Variants in BAZ1A observed in about 807,000 individuals in gnomAD.
The protein encoded by BAZ1A is bromodomain adjacent to zinc finger domain protein 1A.
A neutral mutation model predicts 185.2 loss-of-function variants in BAZ1A; 50 were observed. The observed-to-expected ratio is 0.27, with a 90% CI of 0.22 to 0.34. BAZ1A has a LOEUF of 0.34. BAZ1A is among the 10% of genes least tolerant of loss of function. BAZ1A has a pLI of 1.00. For missense variants in BAZ1A, 1,356 were observed against 1,839.9 expected, an observed-to-expected ratio of 0.74 and a Z score of 4.81; for synonymous variants, 571 against 615.6, an observed-to-expected ratio of 0.93 and a Z score of 1.07.
chr14:34,838,457 T>G (rs2042361950), intron 3 of BAZ1A, among the ~76,000 whole-genome samples: 1 of 152,100 alleles, frequency 6.6e-6, no homozygotes, highest in Non-Finnish European at 1.5e-5. Flanking sequence ...ACTATATCAA[T>G]GTCAGTATTC....
At chr14:34,831,633 A>G (rs188493050) in intron 3 of BAZ1A, among the ~76,000 whole-genome samples, 2 of 152,266 alleles carry the variant, frequency 1.3e-5, no homozygotes, top group African/African-American at 4.8e-5. Context: ...AGAAAACATA[A>G]CTGGTTCCAA....
chr14:34,872,454 G>A (rs1173280295), intron 2 of BAZ1A, among the ~76,000 whole-genome samples: 1 of 151,990 alleles, frequency 6.6e-6, no homozygotes, highest in African/African-American at 2.4e-5. Context: ...ATTAGCCAGA[G>A]TGGTGGCATG....
chr14:34,862,261 T>C lies in BAZ1A; in HGVS notation c.175A>G (p.Arg59Gly). 6.2e-7 allele frequency: 1 copy of C among 1,614,174 alleles called. No homozygotes were observed. The highest frequency in any genetic ancestry group is 8.5e-7 in the Non-Finnish European group (1 of 1,180,040). The change falls in exon 3 of 27, where the codon AGA becomes GGA. Residue 59 changes from arginine to glycine, a missense_variant. Physicochemically the swap from Arg to Gly is moderately radical, Grantham distance 125. Coordinates refer to ENST00000360310, the MANE Select transcript of BAZ1A (RefSeq NM_013448.3). ...SLVWSCAVTG[R>G]PGLTYQEALE... Reference sequence around the variant, plus strand: ...GCTTCCTGATACGTCAGTCCAGGTCTACCCGTCACAGCACAACTCCACACA... The same window carrying C: ...GCTTCCTGATACGTCAGTCCAGGTCCACCCGTCACAGCACAACTCCACACA...
chr14:34,869,221 A>T (rs1487479880), intron 2 of BAZ1A, among the ~76,000 whole-genome samples: 2 of 152,038 alleles, frequency 1.3e-5, no homozygotes, highest in African/African-American at 4.8e-5. Context: ...TAAATAAATA[A>T]ATAAATAACA....
chr14:34,839,546 A>G (rs1305606252), intron 3 of BAZ1A, among the ~76,000 whole-genome samples: 1 of 149,942 alleles, frequency 6.7e-6, no homozygotes, highest in African/African-American at 2.5e-5. Flanking sequence ...TTTCAAAAAA[A>G]AAAAAAAAAA....
intron 2 of BAZ1A, among the ~76,000 whole-genome samples, chr14:34,873,429 T>C (rs1439388981): frequency 6.6e-6 from 1 of 152,176 alleles, no homozygotes; most frequent in African/African-American, 2.4e-5. Context: ...ACACACCCCC[T>C]TGCTCCGTGT....
chr14:34,818,288 CAA>C (rs1476965164), intron 4 of BAZ1A, among the ~76,000 whole-genome samples: 1 of 151,944 alleles, frequency 6.6e-6, no homozygotes, highest in African/African-American at 2.4e-5. Flanking sequence ...ATAGAAAATT[CAA>C]AAAGACAAAG....
chr14:34,759,066 T>C (rs949165840), intron 24 of BAZ1A, among the ~76,000 whole-genome samples: 2 of 151,970 alleles, frequency 1.3e-5, no homozygotes, highest in Non-Finnish European at 2.9e-5. Context: ...CATTAAACAT[T>C]CATTGGGAAC....
At chr14:34,822,311 C>CA (rs2042101210) in intron 4 of BAZ1A, among the ~76,000 whole-genome samples, 1 of 149,156 alleles carries the variant, frequency 6.7e-6, no homozygotes, top group Non-Finnish European at 1.5e-5. Context: ...CAAAACAAAA[C>CA]AAAAAAATCC....
rs11378657 is a variant in BAZ1A at position 34,837,407 on chromosome 14, A to ATT, written c.393-11253_393-11252dup. ...CAGGCGAATACCACCACCCCAGCTA[A>ATT]TTTTTTTTTTTTGTAGAGATGCGTT... is the stretch of plus-strand genomic sequence containing the variant. On this transcript the variant is annotated intron_variant, in intron 3 of 26. Coordinates refer to ENST00000360310, the MANE Select transcript of BAZ1A (RefSeq NM_013448.3). Among the ~76,000 whole-genome samples the ATT allele has an allele frequency of 3.6e-3, 520 of 145,928 alleles. 5 individuals carry two copies. The highest frequency in any genetic ancestry group is 1.0e-2 in the African/African-American group (393 of 39,366).
chr14:34,857,076 G>A (rs1326840423), intron 3 of BAZ1A, among the ~76,000 whole-genome samples: 4 of 144,584 alleles, frequency 2.8e-5, no homozygotes, highest in Non-Finnish European at 6.0e-5. Context: ...GCGCAATCTC[G>A]GCTCACTGCA....
intron 3 of BAZ1A, among the ~76,000 whole-genome samples, chr14:34,844,785 A>ACACGCG (rs966580053): frequency 4.0e-5 from 2 of 50,102 alleles, no homozygotes; most frequent in African/African-American, 1.2e-4. Context: ...GCGCACACAC[A>ACACGCG]CACACACACA....
chr14:34,756,758 C>T (rs146384967), intron 25 of BAZ1A, among the ~76,000 whole-genome samples: 1 of 152,146 alleles, frequency 6.6e-6, no homozygotes, highest in East Asian at 1.9e-4. Flanking sequence ...AGCCACTACG[C>T]CTGGCCCAGA....
At chr14:34,822,500 C>T (rs1418540328) in intron 4 of BAZ1A, among the ~76,000 whole-genome samples, 1 of 151,996 alleles carries the variant, frequency 6.6e-6, no homozygotes, top group Non-Finnish European at 1.5e-5. Context: ...GTGGTGTGCA[C>T]CTGTAGTCCC....
intron 3 of BAZ1A, among the ~76,000 whole-genome samples, chr14:34,851,587 T>C (rs1382476516): frequency 1.3e-5 from 2 of 151,862 alleles, no homozygotes; most frequent in Non-Finnish European, 2.9e-5. Flanking sequence ...GGGTGAATCA[T>C]CCAAGTATTT....
intron 4 of BAZ1A, 140 bp from the exon 5 acceptor site, chr14:34,811,176 C>T (rs1181189584): frequency 3.5e-6 from 2 of 571,930 alleles, no homozygotes; most frequent in South Asian, 2.1e-5. Flanking sequence ...TGGAGTCTCA[C>T]TCTTGTTGCC....
chr14:34,852,869 A>G (rs2042618377), intron 3 of BAZ1A, among the ~76,000 whole-genome samples: 1 of 152,206 alleles, frequency 6.6e-6, no homozygotes, highest in African/African-American at 2.4e-5. Context: ...CCCAAAACCA[A>G]GAGCACAGTG....
chr14:34,810,596 T>C (rs990405513), intron 5 of BAZ1A, among the ~76,000 whole-genome samples: 1 of 152,236 alleles, frequency 6.6e-6, no homozygotes, highest in South Asian at 2.1e-4. Flanking sequence ...GGGTTAGTCA[T>C]CTAAACAAAT....
At chr14:34,789,632 A>G (rs529613470) in intron 12 of BAZ1A, among the ~76,000 whole-genome samples, 8 of 152,304 alleles carry the variant, frequency 5.3e-5, no homozygotes, top group African/African-American at 1.9e-4. Context: ...TCTTGTTCCC[A>G]TACTTTGAAG....
Sources: gnomAD v4.1 joint callset for allele counts (sites outside exome capture counted in the v4.1 genomes callset) on GRCh38, gnomAD v4.1.1 for gene constraint, MANE v1.5 for transcripts, NCBI Gene and HGNC (gene_info 2026-07-23, HGNC 2026-07-21) for gene names.